EBF2: variants seen among roughly 807,000 people sequenced by gnomAD.
EBF2 encodes the protein transcription factor COE2.
A neutral mutation model predicts 72.8 loss-of-function variants in EBF2; 21 were observed. The observed-to-expected ratio is 0.29, with a 90% CI of 0.20 to 0.42. EBF2 has a LOEUF of 0.42. EBF2 is among the 10% of genes least tolerant of loss of function. The pLI is 1.00. For missense variants in EBF2, 637 were observed against 731.2 expected, an observed-to-expected ratio of 0.87 and a Z score of 1.49; for synonymous variants, 299 against 274.2, an observed-to-expected ratio of 1.09 and a Z score of -0.89.
chr8:25,975,801 C>CGATT (rs1189412963), intron 6 of EBF2, among the ~76,000 whole-genome samples: 1 of 152,012 alleles, frequency 6.6e-6, no homozygotes, highest in Non-Finnish European at 1.5e-5. Flanking sequence ...ACAGTGCACA[C>CGATT]GATTACTGGG....
intron 6 of EBF2, among the ~76,000 whole-genome samples, chr8:25,933,867 T>C (rs1160131705): frequency 2.0e-5 from 3 of 152,180 alleles, no homozygotes; most frequent in Non-Finnish European, 4.4e-5. Flanking sequence ...ACTGGAATAA[T>C]TACCAATTAT....
At chr8:25,936,702 T>G (rs1803585463) in intron 6 of EBF2, among the ~76,000 whole-genome samples, 1 of 152,188 alleles carries the variant, frequency 6.6e-6, no homozygotes. Context: ...GTTGTTGTTG[T>G]TTTGTTTTGG....
intron 6 of EBF2, among the ~76,000 whole-genome samples, chr8:25,953,839 C>T (rs1210265505): frequency 1.3e-5 from 2 of 152,224 alleles, no homozygotes; most frequent in Non-Finnish European, 2.9e-5. Flanking sequence ...AATCCTCCAT[C>T]GTCAGAGATC....
chr8:25,874,649 T>A (rs1489834314), intron 10 of EBF2, among the ~76,000 whole-genome samples: 1 of 152,002 alleles, frequency 6.6e-6, no homozygotes, highest in Non-Finnish European at 1.5e-5. Context: ...TTATTTATTT[T>A]TTTCTTACAA....
At chr8:26,041,963 G>A (rs1044180680) in intron 2 of EBF2, 132 bp downstream of exon 2, 18 of 1,333,644 alleles carry the variant, frequency 1.3e-5, no homozygotes, top group Non-Finnish European at 1.9e-5. Context: ...AGAGGCTGGG[G>A]GTGAGTAGCC....
chr8:25,927,366 C>T (rs116021337), intron 6 of EBF2, among the ~76,000 whole-genome samples: 6,038 of 144,982 alleles, frequency 0.042, 409 homozygotes, highest in African/African-American at 0.14. Context: ...ATAATACTAT[C>T]GTGTATGTTA....
At chr8:26,033,323 G>A (rs1317318162) in intron 5 of EBF2, among the ~76,000 whole-genome samples, 170 bp from the exon 6 acceptor site, 2 of 152,150 alleles carry the variant, frequency 1.3e-5, no homozygotes, top group Non-Finnish European at 2.9e-5. Context: ...TCTGCCTCCT[G>A]GGTTCAAGCA....
intron 6 of EBF2, among the ~76,000 whole-genome samples, chr8:25,981,795 A>AC (rs923575659): frequency 1.4e-5 from 2 of 147,890 alleles, no homozygotes; most frequent in African/African-American, 4.9e-5. Flanking sequence ...CTCCATCTTA[A>AC]AAAAAAAAAA....
At chr8:25,956,370 A>C (rs1159667845) in intron 6 of EBF2, among the ~76,000 whole-genome samples, 1 of 151,684 alleles carries the variant, frequency 6.6e-6, no homozygotes. Context: ...GCATCATTGT[A>C]CTCCAGCCTG....
At chr8:25,867,074 C>A (rs991155739) in intron 10 of EBF2, among the ~76,000 whole-genome samples, 1 of 152,174 alleles carries the variant, frequency 6.6e-6, no homozygotes, top group African/African-American at 2.4e-5. Flanking sequence ...TTCCTTAACA[C>A]AACTGGCACA....
chr8:25,972,244 T>C lies in EBF2; in HGVS notation c.551+60841A>G, dbSNP rs990319585. ...ACGGATCACAAGGTCCCCTCCTTCG[T>C]AGACCCCGAGGGAGCCAACAATTAC... On this transcript the variant is annotated intron_variant, in intron 6 of 15. Transcript: ENST00000520164. 3.9e-5 allele frequency among the ~76,000 whole-genome samples: 6 copies of C among 152,140 alleles called. 1 individual carries two copies. Among genetic ancestry groups the C allele is most frequent in the Admixed American group, 1.3e-4 (2 of 15,280 alleles).
At chr8:25,956,349 G>A (rs1197384316) in intron 6 of EBF2, among the ~76,000 whole-genome samples, 2 of 151,412 alleles carry the variant, frequency 1.3e-5, no homozygotes, top group Non-Finnish European at 2.9e-5. Context: ...AGGTTGCAGT[G>A]AGCCGAGATC....
intron 10 of EBF2, among the ~76,000 whole-genome samples, chr8:25,878,837 C>A (rs2117281414): frequency 6.6e-6 from 1 of 152,324 alleles, no homozygotes; most frequent in South Asian, 2.1e-4. Context: ...CTCACTCCGA[C>A]TGCCCCCGAA....
chr8:25,843,952 T>C lies in EBF2; in HGVS notation c.*657A>G, dbSNP rs1340674051. 6.6e-6 allele frequency: 1 copy of C among 152,122 alleles called. No individual in the cohort carries two copies. The highest frequency in any genetic ancestry group is 1.5e-5 in the Non-Finnish European group (1 of 67,998). The allele number at this position is 152,122 out of a possible 1,614,324, so 9.4% of individuals were successfully genotyped here. On this transcript the variant is annotated 3_prime_UTR_variant, in exon 16 of 16. Transcript: ENST00000520164. ...ATTTTACATCAGGAAGAGAAATCCC[T>C]CTCTCTTCCAAAAAAAGGTCTTAAT...
chr8:26,025,831 TA>T (rs1336271696), intron 6 of EBF2, among the ~76,000 whole-genome samples: 10 of 152,234 alleles, frequency 6.6e-5, no homozygotes, highest in African/African-American at 2.2e-4. Flanking sequence ...CTGTGGTTTT[TA>T]TTGAGAAAAT....
At chr8:25,939,291 T>C (rs1803630685) in intron 6 of EBF2, among the ~76,000 whole-genome samples, 1 of 152,196 alleles carries the variant, frequency 6.6e-6, no homozygotes, top group African/African-American at 2.4e-5. Flanking sequence ...TAATCTATTT[T>C]CCTGACATTG....
At chr8:25,885,744 C>T (rs1188258599) in intron 10 of EBF2, among the ~76,000 whole-genome samples, 1 of 152,144 alleles carries the variant, frequency 6.6e-6, no homozygotes, top group Admixed American at 6.5e-5. Flanking sequence ...GTAAGATGTG[C>T]CTTTCGCCTT....
chr8:26,005,282 TATAATTATATA>T (rs1804827195), intron 6 of EBF2, among the ~76,000 whole-genome samples: 1 of 608 alleles, frequency 1.6e-3, no homozygotes, highest in Non-Finnish European at 2.2e-3. Flanking sequence ...TATATAATTA[TATAATTATATA>T]ATTATATATA....
intron 6 of EBF2, among the ~76,000 whole-genome samples, chr8:25,976,680 CACTT>C (rs1280682545): frequency 1.3e-5 from 2 of 152,198 alleles, no homozygotes; most frequent in East Asian, 1.9e-4. Flanking sequence ...GCCTGATTCT[CACTT>C]AATGCTGAAG....
Sources: allele counts gnomAD v4.1 joint callset (sites outside exome capture counted in the v4.1 genomes callset), GRCh38; gene constraint gnomAD v4.1.1; transcripts MANE v1.5; gene names NCBI Gene and HGNC (gene_info 2026-07-23, HGNC 2026-07-21).